Variants in ARHGEF38 observed in about 807,000 individuals in gnomAD.
ARHGEF38 encodes the protein Rho guanine nucleotide exchange factor 38, also known as Rho guanine nucleotide exchange factor (GEF) 38.
A neutral mutation model predicts 79.9 loss-of-function variants in ARHGEF38; 79 were observed. The ratio of observed to expected loss-of-function variants is 0.99; its 90% CI spans 0.82 to 1.19. The LOEUF (loss-of-function observed/expected upper bound fraction) is 1.19, where lower values mean the gene tolerates loss of function less well. ARHGEF38 is among the 50% of genes most tolerant of loss of function. The pLI is 0.00. For missense variants in ARHGEF38, 962 were observed against 907.2 expected, an observed-to-expected ratio of 1.06 and a Z score of -0.78; for synonymous variants, 366 against 328.3, an observed-to-expected ratio of 1.11 and a Z score of -1.24.
At chr4:105,572,057 G>A (rs184388544) in intron 1 of ARHGEF38, among the ~76,000 whole-genome samples, 6 of 152,262 alleles carry the variant, frequency 3.9e-5, no homozygotes, top group Admixed American at 2.0e-4. Context: ...ATTCAGTTAT[G>A]CTGTTTACTC....
intron 7 of ARHGEF38, among the ~76,000 whole-genome samples, chr4:105,652,350 T>A (rs1160976288): frequency 6.6e-6 from 1 of 152,196 alleles, no homozygotes; most frequent in Non-Finnish European, 1.5e-5. Flanking sequence ...AAAACAACAA[T>A]AGTTAATCTG....
chr4:105,610,456 A>G (rs1193174721), intron 2 of ARHGEF38, among the ~76,000 whole-genome samples: 1 of 152,108 alleles, frequency 6.6e-6, no homozygotes, highest in East Asian at 1.9e-4. Flanking sequence ...ATGAATTTTA[A>G]TCCATTTAAA....
chr4:105,570,636 C>T (rs1040111800), intron 1 of ARHGEF38, among the ~76,000 whole-genome samples: 1 of 152,172 alleles, frequency 6.6e-6, no homozygotes, highest in African/African-American at 2.4e-5. Context: ...TGTCCAAAAA[C>T]AGCAGCCTAG....
chr4:105,674,607 A>G (rs1731057738), intron 13 of ARHGEF38, among the ~76,000 whole-genome samples: 1 of 152,112 alleles, frequency 6.6e-6, no homozygotes. Context: ...CTTTAAAAGC[A>G]GCTTACTTCC....
At chr4:105,654,463 T>A (rs577188464) in intron 8 of ARHGEF38, among the ~76,000 whole-genome samples, 1 of 152,350 alleles carries the variant, frequency 6.6e-6, no homozygotes, top group Non-Finnish European at 1.5e-5. Context: ...GCAACAGAGA[T>A]GAGTTCATTA....
intron 2 of ARHGEF38, among the ~76,000 whole-genome samples, chr4:105,612,879 G>A (rs2110491366): frequency 6.6e-6 from 1 of 151,948 alleles, no homozygotes; most frequent in Admixed American, 6.6e-5. Flanking sequence ...TTAATTAGTA[G>A]AATATATTTA....
chr4:105,645,726 C>T (rs983130446), intron 6 of ARHGEF38, among the ~76,000 whole-genome samples: 1 of 152,094 alleles, frequency 6.6e-6, no homozygotes, highest in East Asian at 1.9e-4. Flanking sequence ...AGAGAAATGG[C>T]CACGTTGCAA....
At position 105,552,812 on chromosome 4, in the gene ARHGEF38, A is replaced by G. The variant is rs769002524; in HGVS notation, c.47A>G (p.Lys16Arg). The G allele has an allele frequency of 5.0e-6, 8 of 1,612,702 alleles. No homozygotes were observed. The South Asian group carries it at 5.5e-5, about 11-fold the overall frequency. ...ATGKENMVTK[K>R]KNLAFLRSRL... is the part of the protein sequence containing the mutation. Reference sequence around the variant, plus strand: ...GGGAAAGAAAACATGGTCACCAAGAAAAAGAATCTGGCCTTCTTGAGGTCT... The same window carrying G: ...GGGAAAGAAAACATGGTCACCAAGAGAAAGAATCTGGCCTTCTTGAGGTCT... The change falls in exon 1 of 14, where the codon AAA becomes AGA. Residue 16 changes from lysine to arginine, a missense_variant. Coordinates refer to ENST00000420470, the MANE Select transcript of ARHGEF38 (RefSeq NM_001242729.2).
intron 1 of ARHGEF38, among the ~76,000 whole-genome samples, chr4:105,587,409 C>G (rs1727106854): frequency 6.6e-6 from 1 of 152,208 alleles, no homozygotes; most frequent in African/African-American, 2.4e-5. Flanking sequence ...TTCATTCTCT[C>G]TCCTTGAATA....
At chr4:105,674,332 A>T (rs557132345) in intron 13 of ARHGEF38, among the ~76,000 whole-genome samples, 1 of 152,172 alleles carries the variant, frequency 6.6e-6, no homozygotes, top group Non-Finnish European at 1.5e-5. Context: ...ACATTTTAAA[A>T]AGTGCCAAGG....
intron 3 of ARHGEF38, among the ~76,000 whole-genome samples, chr4:105,618,025 G>T (rs1189241858): frequency 3.3e-5 from 5 of 151,878 alleles, no homozygotes; most frequent in Non-Finnish European, 7.4e-5. Context: ...AAGAGAGAGA[G>T]AATGAAAGAA....
Position 105,659,114 on chromosome 4 carries a change from G to A in ARHGEF38, c.1294G>A (p.Gly432Arg), listed in dbSNP as rs895439840. 7 of 1,536,018 alleles carry A rather than the reference G, an allele frequency of 4.6e-6. No individual in the cohort carries two copies. In the Admixed American group the frequency reaches 5.9e-5, roughly 13 times the overall value. ...PLSALLSLFP[G>R]PHKLIQKRYD... ...GTCAGCCCTGCTGTCCTTATTCCCA[G>A]GGCCTCACAAGCTCATCCAGAAACG... Residue 432 changes from glycine (G) to arginine (R), a missense_variant, in exon 10 of 14, where the codon GGG becomes AGG. By Grantham distance (125) the Gly-to-Arg change is moderately radical. Coordinates refer to ENST00000420470, the MANE Select transcript of ARHGEF38 (RefSeq NM_001242729.2).
intron 1 of ARHGEF38, among the ~76,000 whole-genome samples, chr4:105,568,748 A>G (rs1249797178): frequency 6.6e-6 from 1 of 152,206 alleles, no homozygotes; most frequent in Non-Finnish European, 1.5e-5. Flanking sequence ...CAAATGGTGT[A>G]TGTGTGCCTG....
intron 2 of ARHGEF38, 83 bp downstream of exon 2, chr4:105,589,518 T>C: frequency 8.2e-7 from 1 of 1,218,252 alleles, no homozygotes; most frequent in Non-Finnish European, 1.1e-6. Context: ...CACTCAGGTG[T>C]ATCAATGGGA....
chr4:105,628,493 C>T (rs762052409), intron 3 of ARHGEF38, among the ~76,000 whole-genome samples: 2 of 152,178 alleles, frequency 1.3e-5, no homozygotes, highest in South Asian at 2.1e-4. Context: ...CTTTCCTCTA[C>T]TTGATAGCTC....
chr4:105,580,695 G>T (rs756146972), intron 1 of ARHGEF38, among the ~76,000 whole-genome samples: 11 of 152,066 alleles, frequency 7.2e-5, no homozygotes. Context: ...GTATATTCTG[G>T]TTTTTTTGTT....
chr4:105,559,888 T>C (rs1279105488), intron 1 of ARHGEF38, among the ~76,000 whole-genome samples: 1 of 152,206 alleles, frequency 6.6e-6, no homozygotes, highest in Non-Finnish European at 1.5e-5. Flanking sequence ...GCTAGCCAGA[T>C]GCTGTCACAC....
intron 5 of ARHGEF38, among the ~76,000 whole-genome samples, chr4:105,636,762 C>A (rs548035285): frequency 2.6e-5 from 4 of 151,918 alleles, no homozygotes; most frequent in African/African-American, 7.3e-5. Flanking sequence ...TTTAAAAAAT[C>A]TCAGATTAAT....
At chr4:105,664,064 C>T (rs543266503) in intron 10 of ARHGEF38, among the ~76,000 whole-genome samples, 1 of 151,970 alleles carries the variant, frequency 6.6e-6, no homozygotes, top group South Asian at 2.1e-4. Context: ...TGGGTTGTGT[C>T]TATCTCTTGG....
Sources: gnomAD v4.1 joint callset for allele counts (sites outside exome capture counted in the v4.1 genomes callset) on GRCh38, gnomAD v4.1.1 for gene constraint, MANE v1.5 for transcripts, NCBI Gene and HGNC (gene_info 2026-07-23, HGNC 2026-07-21) for gene names.